RNLS: variants seen among roughly 807,000 people sequenced by gnomAD.
RNLS encodes renalase.
Under a neutral mutation model 39.8 loss-of-function variants are expected in RNLS, and 39 were observed. The observed-to-expected ratio is 0.98, with a 90% confidence interval of 0.76 to 1.28. RNLS has a LOEUF of 1.28. Ranked by LOEUF, RNLS falls within the 50% of genes most tolerant of loss-of-function variation. The pLI, the probability that RNLS is intolerant of heterozygous loss-of-function variation, is 0.00. For synonymous variants in RNLS, 147 were observed against 150.7 expected (o/e 0.98, Z 0.18); for missense variants, 410 against 413.3 (o/e 0.99, Z 0.07).
At chr10:88,418,154 TAAAGATTCA>T (rs1854154040) in intron 4 of RNLS, among the ~76,000 whole-genome samples, 1 of 151,546 alleles carries the variant, frequency 6.6e-6, no homozygotes, top group African/African-American at 2.4e-5. Context: ...TCATCGAAGC[TAAAGATTCA>T]ACAGAATTTT....
chr10:88,424,171 A>C (rs913750146), intron 4 of RNLS, among the ~76,000 whole-genome samples: 3 of 152,198 alleles, frequency 2.0e-5, no homozygotes, highest in Non-Finnish European at 2.9e-5. Context: ...TGAATGCTGA[A>C]GCTTTGCTTG....
chr10:88,355,470 G>C (rs1849085085), intron 5 of RNLS, among the ~76,000 whole-genome samples: 1 of 152,156 alleles, frequency 6.6e-6, no homozygotes. Context: ...GGAGTTTTCT[G>C]GAGATCCACT....
intron 5 of RNLS, among the ~76,000 whole-genome samples, chr10:88,329,524 T>G (rs1250917586): frequency 3.3e-5 from 5 of 152,200 alleles, no homozygotes; most frequent in African/African-American, 9.6e-5. Flanking sequence ...GATTTCTGAA[T>G]CTGAAGACTT....
chr10:88,312,939 T>G (rs1054834741), intron 6 of RNLS, among the ~76,000 whole-genome samples: 1 of 152,194 alleles, frequency 6.6e-6, no homozygotes, highest in Non-Finnish European at 1.5e-5. Flanking sequence ...TAGTGGAATA[T>G]GCAAACTTCT....
chr10:88,525,693 T>G (rs1035985265), intron 4 of RNLS, among the ~76,000 whole-genome samples: 1 of 152,112 alleles, frequency 6.6e-6, no homozygotes, highest in Non-Finnish European at 1.5e-5. Context: ...CAAATAGATA[T>G]TCACCCACAA....
intron 4 of RNLS, among the ~76,000 whole-genome samples, chr10:88,541,088 T>C (rs1848013913): frequency 6.6e-6 from 1 of 152,122 alleles, no homozygotes; most frequent in Non-Finnish European, 1.5e-5. Context: ...TTCTCACCCT[T>C]GAGAAGTCTC....
chr10:88,534,292 C>G (rs553153748), intron 4 of RNLS, among the ~76,000 whole-genome samples: 12 of 152,146 alleles, frequency 7.9e-5, no homozygotes, highest in Admixed American at 2.0e-4. Flanking sequence ...AAGAGTTCTA[C>G]CCTTGGCTCC....
chr10:88,530,491 TA>T (rs764898108), intron 4 of RNLS, among the ~76,000 whole-genome samples: 117 of 152,322 alleles, frequency 7.7e-4, no homozygotes, highest in South Asian at 2.7e-3. Flanking sequence ...TTTATGTAGT[TA>T]TTTTTTTGTG....
chr10:88,517,102 A>C (rs746252181), intron 4 of RNLS, among the ~76,000 whole-genome samples: 1 of 151,978 alleles, frequency 6.6e-6, no homozygotes, highest in African/African-American at 2.4e-5. Flanking sequence ...CCCAGCTAGG[A>C]ATGGTGAAAG....
exon 7 of RNLS, chr10:88,274,848 A>G: frequency 1.3e-6 from 1 of 757,304 alleles, no homozygotes; most frequent in East Asian, 2.7e-5. Flanking sequence ...ATCCTTGCCA[A>G]CATTTATCTT....
chr10:88,481,116 G>T (rs1162911532), intron 4 of RNLS, among the ~76,000 whole-genome samples: 3 of 151,944 alleles, frequency 2.0e-5, no homozygotes, highest in African/African-American at 7.3e-5. Context: ...ATTTTATCTG[G>T]TAACAGTATA....
intron 5 of RNLS, among the ~76,000 whole-genome samples, chr10:88,352,091 G>A (rs944036670): frequency 6.6e-5 from 10 of 152,192 alleles, no homozygotes; most frequent in Non-Finnish European, 8.8e-5. Context: ...AGCTTAAGGA[G>A]ATTTTGTGGT....
intron 4 of RNLS, among the ~76,000 whole-genome samples, chr10:88,468,605 T>C (rs976374424): frequency 6.6e-6 from 1 of 152,194 alleles, no homozygotes; most frequent in Admixed American, 6.6e-5. Flanking sequence ...GCTATGCTTA[T>C]AGATTTGCTG....
At chr10:88,359,313 T>TA (rs60973757) in intron 5 of RNLS, among the ~76,000 whole-genome samples, 20 of 147,526 alleles carry the variant, frequency 1.4e-4, no homozygotes, top group East Asian at 7.9e-4. Context: ...GAAACTACAT[T>TA]AAAAAAAAAA....
intron 5 of RNLS, among the ~76,000 whole-genome samples, chr10:88,341,200 A>G (rs1847931821): frequency 7.0e-6 from 1 of 143,832 alleles, no homozygotes; most frequent in Non-Finnish European, 1.5e-5. Flanking sequence ...GTGGTGGTGC[A>G]TGCCTGTAAT....
chr10:88,235,555 TTCAAGATTAAGAATGTGG>T, the RNLS span, among the ~76,000 whole-genome samples: 1 of 152,170 alleles, frequency 6.6e-6, no homozygotes, highest in East Asian at 1.9e-4. Context: ...TCATATCAAC[TTCAAGATTAAGAATGTGG>T]TCAAGTCAAT....
intron 4 of RNLS, among the ~76,000 whole-genome samples, chr10:88,551,109 TCC>T (rs1224548123): frequency 6.6e-6 from 1 of 152,174 alleles, no homozygotes; most frequent in Non-Finnish European, 1.5e-5. Flanking sequence ...GGATCAGCTG[TCC>T]ACCTCCTTAA....
rs538732225 is a variant in RNLS at position 88,340,887 on chromosome 10, C to A, written c.700+21665G>T. Among the ~76,000 whole-genome samples the A allele has an allele frequency of 5.6e-4, 85 of 151,488 alleles. 1 individual carries two copies. The Middle Eastern group carries it at 0.024, about 43-fold the overall frequency. On this transcript the variant is annotated intron_variant, in intron 5 of 6. Transcript: ENST00000331772. ...CCAGCCTGACCAACATGGTGAAACC[C>A]CATCTCTACTAAAAATACAAAATTA...
At chr10:88,410,332 ATACTT>A (rs1334655510) in intron 4 of RNLS, among the ~76,000 whole-genome samples, 3 of 152,154 alleles carry the variant, frequency 2.0e-5, no homozygotes, top group South Asian at 2.1e-4. Flanking sequence ...TTTCCTTATT[ATACTT>A]TACTTTATTC....
Sources: allele counts gnomAD v4.1 joint callset (sites outside exome capture counted in the v4.1 genomes callset), GRCh38; gene constraint gnomAD v4.1.1; transcripts MANE v1.5; gene names NCBI Gene and HGNC (gene_info 2026-07-23, HGNC 2026-07-21).